SLC2A9: variants seen among roughly 807,000 people sequenced by gnomAD.
SLC2A9 encodes the protein solute carrier family 2, facilitated glucose transporter member 9.
In SLC2A9, 39 loss-of-function variants were observed where a neutral mutation model predicts 50.6. The observed-to-expected ratio is 0.77, with a 90% CI of 0.60 to 1.01. SLC2A9 has a LOEUF of 1.01. Ranked by LOEUF, SLC2A9 falls within the 50% of genes least tolerant of loss-of-function variation. The probability of loss-of-function intolerance (pLI) is 0.00; values close to 1 mark genes in which losing one functional copy is unlikely to be tolerated. For synonymous variants in SLC2A9, 324 were observed against 276.9 expected, an observed-to-expected ratio of 1.17 and a Z score of -1.69; for missense variants, 686 against 677.6, an observed-to-expected ratio of 1.01 and a Z score of -0.14.
chr4:9,864,000 T>A (rs944088476), intron 10 of SLC2A9, among the ~76,000 whole-genome samples: 14 of 152,054 alleles, frequency 9.2e-5, no homozygotes, highest in Non-Finnish European at 1.5e-4. Flanking sequence ...ATACACTTTT[T>A]CCCCAGATCT....
At chr4:9,998,074 A>G (rs1220311307) in intron 2 of SLC2A9, among the ~76,000 whole-genome samples, 1 of 152,242 alleles carries the variant, frequency 6.6e-6, no homozygotes, top group African/African-American at 2.4e-5. Flanking sequence ...TGAGACCACA[A>G]GGAAATACAA....
intron 10 of SLC2A9, among the ~76,000 whole-genome samples, chr4:9,867,635 C>A (rs1172568624): frequency 2.0e-5 from 3 of 152,172 alleles, no homozygotes; most frequent in African/African-American, 4.8e-5. Context: ...CTCGCCCCAT[C>A]ATGGGGAGTA....
intron 10 of SLC2A9, among the ~76,000 whole-genome samples, chr4:9,867,783 T>C (rs1732727821): frequency 1.3e-5 from 2 of 152,082 alleles, no homozygotes; most frequent in African/African-American, 2.4e-5. Context: ...CTTAAAACGA[T>C]GTAGGGGTTG....
chr4:9,936,339 A>G (rs1320349478), intron 6 of SLC2A9, among the ~76,000 whole-genome samples: 1 of 152,184 alleles, frequency 6.6e-6, no homozygotes, highest in Non-Finnish European at 1.5e-5. Context: ...AGCCTTTGAG[A>G]TAACGGGCAG....
At chr4:9,801,504 G>A (rs1721399065) in intron 3 of SLC2A9, among the ~76,000 whole-genome samples, 1 of 152,242 alleles carries the variant, frequency 6.6e-6, no homozygotes, top group Non-Finnish European at 1.5e-5. Context: ...GGAGAATGCA[G>A]TCAACACTGT....
chr4:9,904,673 G>T (rs1031710437), intron 8 of SLC2A9, among the ~76,000 whole-genome samples: 13 of 152,214 alleles, frequency 8.5e-5, no homozygotes, highest in Admixed American at 8.5e-4. Flanking sequence ...AATAAATTCA[G>T]ATGTGTTGGG....
intron 5 of SLC2A9, among the ~76,000 whole-genome samples, chr4:9,942,912 T>C (rs1748444121): frequency 6.6e-6 from 1 of 152,204 alleles, no homozygotes; most frequent in South Asian, 2.1e-4. Context: ...ACACGTTTAT[T>C]TCCCAAGAAG....
chr4:9,838,642 G>C (rs1577465477), intron 10 of SLC2A9, among the ~76,000 whole-genome samples: 1 of 152,112 alleles, frequency 6.6e-6, no homozygotes, highest in Non-Finnish European at 1.5e-5. Context: ...GCATGGTACT[G>C]GTACAAGAAC....
At chr4:9,913,329 GTGAGAGAGAGAGAGAGAGAGAGAGAGAC>G (rs1417870965) in intron 7 of SLC2A9, among the ~76,000 whole-genome samples, 63 of 78,220 alleles carry the variant, frequency 8.1e-4, no homozygotes, top group African/African-American at 4.2e-3. Context: ...GTGTGTGTGT[GTGAGAGAGAGAGAGAGAGAGAGAGAGAC>G]AGAGAGAGAG....
intron 1 of SLC2A9, among the ~76,000 whole-genome samples, chr4:10,019,608 G>C (rs921829546): frequency 3.9e-5 from 6 of 152,324 alleles, no homozygotes; most frequent in South Asian, 2.1e-4. Context: ...TGCCCCTCTA[G>C]TCACCACTGC....
intron 1 of SLC2A9, among the ~76,000 whole-genome samples, chr4:10,020,277 T>G (rs940105172): frequency 2.6e-5 from 4 of 152,074 alleles, no homozygotes; most frequent in Non-Finnish European, 5.9e-5. Context: ...TTGAGCCAAG[T>G]GATATCAGCT....
chr4:9,908,507 T>C (rs1741107030), intron 7 of SLC2A9, among the ~76,000 whole-genome samples, 162 bp from the exon 8 acceptor site: 1 of 84,566 alleles, frequency 1.2e-5, no homozygotes, highest in Non-Finnish European at 2.9e-5. Context: ...CCTTCTCCCT[T>C]TCTTCATTAC....
chr4:9,821,601 C>CA (rs1337537832), downstream of SLC2A9, among the ~76,000 whole-genome samples: 1 of 152,056 alleles, frequency 6.6e-6, no homozygotes, highest in Admixed American at 6.6e-5. Flanking sequence ...ACCTATGTAA[C>CA]AAACCTGCAT....
chr4:9,898,985 TCTCC>T (rs1198685928), intron 8 of SLC2A9, among the ~76,000 whole-genome samples: 3 of 148,304 alleles, frequency 2.0e-5, no homozygotes, highest in Non-Finnish European at 4.5e-5. Flanking sequence ...ACACTCTCTC[TCTCC>T]CTCCCTCCCC....
intron 7 of SLC2A9, among the ~76,000 whole-genome samples, 185 bp downstream of exon 7, chr4:9,920,200 T>A (rs1389752759): frequency 6.6e-6 from 1 of 152,274 alleles, no homozygotes; most frequent in African/African-American, 2.4e-5. Context: ...CCATATTATG[T>A]GATCCCATTT....
chr4:9,895,795 T>G (rs1028520859), intron 8 of SLC2A9, among the ~76,000 whole-genome samples: 1 of 152,238 alleles, frequency 6.6e-6, no homozygotes, highest in East Asian at 1.9e-4. Context: ...AATTAGGATA[T>G]TGAACATTTC....
intron 3 of SLC2A9, among the ~76,000 whole-genome samples, chr4:9,988,176 G>T (rs1249158185): frequency 6.6e-6 from 1 of 152,244 alleles, no homozygotes; most frequent in Non-Finnish European, 1.5e-5. Flanking sequence ...ATTTGGACCA[G>T]GCTGGGAGCA....
chr4:10,019,126 C>G, intron 1 of SLC2A9, 53 bp from the exon 2 acceptor site: 1 of 1,450,332 alleles, frequency 6.9e-7, no homozygotes, highest in South Asian at 1.2e-5. Flanking sequence ...CAGCCAGGGC[C>G]GAGGGAAGAC....
At chr4:9,863,335 T>C (rs932453480) in intron 10 of SLC2A9, among the ~76,000 whole-genome samples, 2 of 151,944 alleles carry the variant, frequency 1.3e-5, no homozygotes, top group African/African-American at 4.9e-5. Context: ...TTTGTAGAGA[T>C]GAGGTCTTGC....
Sources: gnomAD v4.1 joint callset for allele counts (sites outside exome capture counted in the v4.1 genomes callset) on GRCh38, gnomAD v4.1.1 for gene constraint, MANE v1.5 for transcripts, NCBI Gene and HGNC (gene_info 2026-07-23, HGNC 2026-07-21) for gene names.